Variants in ZDHHC14 observed in about 807,000 individuals in gnomAD.
The protein encoded by ZDHHC14 is palmitoyltransferase ZDHHC14.
Under a neutral mutation model 47.7 loss-of-function variants are expected in ZDHHC14, and 16 were observed. That is an observed-to-expected ratio of 0.34 (90% CI 0.23 to 0.51). The LOEUF is 0.51. Ranked by LOEUF, ZDHHC14 falls within the 20% of genes least tolerant of loss-of-function variation. The pLI, the probability that ZDHHC14 is intolerant of heterozygous loss-of-function variation, is 0.97. For synonymous variants in ZDHHC14, 293 were observed against 278.9 expected (o/e 1.05, Z -0.50); for missense variants, 515 against 662.5 (o/e 0.78, Z 2.44).
In ZDHHC14 at chr6:157,593,164, G is replaced by A. The variant is rs371415516; in HGVS notation, c.565+18G>A. The A allele has an allele frequency of 2.3e-5, 36 of 1,595,806 alleles. No homozygotes were observed. The highest frequency in any genetic ancestry group is 2.7e-5 in the Non-Finnish European group (32 of 1,171,452). On this transcript the variant is annotated intron_variant, in intron 3 of 8. Transcript: ENST00000359775. ...CTGCGTAGGTGAGTAGTGCCTGGGC[G>A]GAGCCTGGCGGGAGCCCGGGTCCTC...
chr6:157,621,907 A>G (rs1785205492), intron 3 of ZDHHC14, among the ~76,000 whole-genome samples: 1 of 152,134 alleles, frequency 6.6e-6, no homozygotes, highest in Admixed American at 6.5e-5. Flanking sequence ...AATCTGAGGA[A>G]AGGCACAGCT....
chr6:157,546,141 T>A (rs1781964494), intron 2 of ZDHHC14, among the ~76,000 whole-genome samples: 1 of 152,218 alleles, frequency 6.6e-6, no homozygotes, highest in African/African-American at 2.4e-5. Context: ...TCCTCCAGGC[T>A]GAGGAAGGGG....
chr6:157,386,287 A>G (rs1246633672), intron 1 of ZDHHC14, among the ~76,000 whole-genome samples: 1 of 152,180 alleles, frequency 6.6e-6, no homozygotes, highest in East Asian at 1.9e-4. Context: ...CAGGAGGATC[A>G]CTTGAGCCCA....
chr6:157,622,371 A>G (rs1785230994), intron 3 of ZDHHC14, among the ~76,000 whole-genome samples: 1 of 152,210 alleles, frequency 6.6e-6, no homozygotes, highest in African/African-American at 2.4e-5. Context: ...AGCCTGGGCA[A>G]CAGAGCAAGG....
At chr6:157,653,251 CA>C (rs1777922992) in intron 7 of ZDHHC14, among the ~76,000 whole-genome samples, 1 of 152,136 alleles carries the variant, frequency 6.6e-6, no homozygotes, top group South Asian at 2.1e-4. Context: ...GAGGCTCCCA[CA>C]GTTAGTAGAC....
chr6:157,677,203 A>C lies in ZDHHC14; in HGVS notation c.*4081A>C, dbSNP rs1661463272. On this transcript the variant is annotated 3_prime_UTR_variant, in exon 9 of 9. Transcript: ENST00000359775. ...CCCTCCACCTATTTTGGAGGTCTGC[A>C]TGTGGAGTTGTATGCTATTTTCCAA... 6.8e-6 allele frequency: 1 copy of C among 147,752 alleles called. No individual in the cohort carries two copies. The highest frequency in any genetic ancestry group is 1.5e-5 in the Non-Finnish European group (1 of 67,258). 9.2% of individuals were successfully genotyped at this position (147,752 alleles called of 1,614,324 possible).
chr6:157,599,669 C>G (rs950110627), intron 3 of ZDHHC14, among the ~76,000 whole-genome samples: 11 of 152,142 alleles, frequency 7.2e-5, no homozygotes, highest in African/African-American at 2.4e-4. Flanking sequence ...AATAAATGAA[C>G]AAAGCATCCA....
intron 1 of ZDHHC14, among the ~76,000 whole-genome samples, chr6:157,455,341 A>C (rs1404880006): frequency 6.6e-6 from 1 of 152,234 alleles, no homozygotes; most frequent in African/African-American, 2.4e-5. Flanking sequence ...GAGGCAAAGC[A>C]CTCAGGAACT....
intron 3 of ZDHHC14, among the ~76,000 whole-genome samples, chr6:157,595,137 C>T (rs1166122384): frequency 7.0e-6 from 1 of 142,816 alleles, no homozygotes; most frequent in Non-Finnish European, 1.5e-5. Context: ...CCCAATTTGT[C>T]CACTCATTTA....
chr6:157,649,778 G>A (rs973347210), intron 7 of ZDHHC14, among the ~76,000 whole-genome samples: 3 of 152,256 alleles, frequency 2.0e-5, no homozygotes, highest in Non-Finnish European at 2.9e-5. Flanking sequence ...GTATGGCCAG[G>A]TTTGGAGGAA....
intron 1 of ZDHHC14, among the ~76,000 whole-genome samples, chr6:157,425,873 C>A (rs923674737): frequency 6.6e-6 from 1 of 152,190 alleles, no homozygotes; most frequent in Non-Finnish European, 1.5e-5. Flanking sequence ...CCTTGGACAC[C>A]TGTTTCCTCT....
intron 2 of ZDHHC14, among the ~76,000 whole-genome samples, chr6:157,552,451 C>G (rs1235306689): frequency 1.3e-5 from 2 of 152,124 alleles, no homozygotes; most frequent in East Asian, 3.9e-4. Flanking sequence ...GAAAAACCCC[C>G]CTGGAGGATG....
At position 157,603,905 on chromosome 6, in the gene ZDHHC14, G is replaced by A. The variant is rs551652380; in HGVS notation, c.565+10759G>A. ...GGCACACAACATGTCAGTGGGACAG[G>A]GAAGGGCACGCCACCTCAAGAGGGA... On this transcript the variant is annotated intron_variant, in intron 3 of 8. Transcript: ENST00000359775. Among the ~76,000 whole-genome samples, 3 of 152,320 alleles carry A rather than the reference G, an allele frequency of 2.0e-5. No homozygotes were observed. In the East Asian group the frequency reaches 5.8e-4, roughly 29 times the overall value.
Position 157,502,101 on chromosome 6 carries a change from G to A in ZDHHC14, c.246-40484G>A, listed in dbSNP as rs1780206656. On this transcript the variant is annotated intron_variant, in intron 1 of 8. Coordinates refer to ENST00000359775, the MANE Select transcript of ZDHHC14 (RefSeq NM_024630.3). This position sits in a 1 kb window ranked among gnomAD's most constrained non-coding sequence, Gnocchi z 4.0. ...GTGTTCTTCTTGCTGCAATTGAGAA[G>A]TTAATTGAATCTCAGAGACAGTAGA... Among the ~76,000 whole-genome samples the A allele has an allele frequency of 6.6e-6, 1 of 152,224 alleles. No homozygotes were observed. Among genetic ancestry groups the A allele is most frequent in the Non-Finnish European group, 1.5e-5 (1 of 68,044 alleles).
At chr6:157,402,601 C>T (rs1318704735) in intron 1 of ZDHHC14, among the ~76,000 whole-genome samples, 2 of 152,184 alleles carry the variant, frequency 1.3e-5, no homozygotes, top group East Asian at 3.8e-4. Flanking sequence ...AATATCTCTT[C>T]AGTGTGAGAT....
intron 2 of ZDHHC14, among the ~76,000 whole-genome samples, chr6:157,563,263 A>G (rs1310602886): frequency 6.6e-6 from 1 of 152,166 alleles, no homozygotes; most frequent in African/African-American, 2.4e-5. Flanking sequence ...CCGCTTAGCA[A>G]TGCTTCCTGG....
chr6:157,603,238 C>T (rs1017585831), intron 3 of ZDHHC14, among the ~76,000 whole-genome samples: 5 of 152,200 alleles, frequency 3.3e-5, no homozygotes, highest in South Asian at 2.1e-4. Context: ...GCTATGTGCA[C>T]GTAGAGGGCA....
intron 1 of ZDHHC14, among the ~76,000 whole-genome samples, chr6:157,421,471 C>G (rs1253761958): frequency 9.1e-6 from 1 of 110,360 alleles, no homozygotes; most frequent in African/African-American, 3.6e-5. Context: ...CCATCCTGGG[C>G]TACAGAGCCA....
intron 2 of ZDHHC14, among the ~76,000 whole-genome samples, chr6:157,585,596 A>G (rs1783663065): frequency 1.3e-5 from 2 of 152,168 alleles, no homozygotes; most frequent in African/African-American, 2.4e-5. Context: ...CTTTGTGCCA[A>G]GGTTGGTATG....
Sources: allele counts gnomAD v4.1 joint callset (sites outside exome capture counted in the v4.1 genomes callset), GRCh38; gene constraint gnomAD v4.1.1; non-coding constraint Gnocchi (gnomAD v3.1); transcripts MANE v1.5; gene names NCBI Gene and HGNC (gene_info 2026-07-23, HGNC 2026-07-21).